Variants in RYR3 observed in about 807,000 individuals in gnomAD.
The protein encoded by RYR3 is ryanodine receptor 3.
A neutral mutation model predicts 584.3 loss-of-function variants in RYR3; 207 were observed. The observed-to-expected ratio is 0.35, with a 90% CI of 0.32 to 0.40. The LOEUF is 0.40. Among genes scored for constraint, RYR3 ranks in the 10% least tolerant of loss-of-function variants. The probability of loss-of-function intolerance (pLI) is 1.00; values close to 1 mark genes in which losing one functional copy is unlikely to be tolerated. For synonymous variants in RYR3, 2,416 were observed against 2,248.5 expected (o/e 1.07, Z -2.11); for missense variants, 5,616 against 6,089.2 (o/e 0.92, Z 2.59).
chr15:33,677,287 A>G (rs759381850), intron 38 of RYR3, among the ~76,000 whole-genome samples: 1 of 152,128 alleles, frequency 6.6e-6, no homozygotes, highest in African/African-American at 2.4e-5. Context: ...GGCTTGCCTC[A>G]TAATCACTTA....
Position 33,563,075 on chromosome 15 carries a change from G to A in RYR3, c.1146+65G>A, listed in dbSNP as rs1033587324. ...AGTTGGAAGCAACTAGGCAATAGAA[G>A]TGATTCTGAGAACCAGGTGGACATG... On this transcript the variant is annotated intron_variant, in intron 11 of 103. Transcript: ENST00000634891. The A allele has an allele frequency of 2.4e-5, 31 of 1,292,378 alleles. No homozygotes were observed. In the African/African-American group the frequency reaches 3.9e-4, roughly 16 times the overall value. 80.1% of individuals were successfully genotyped at this position (1,292,378 alleles called of 1,614,324 possible).
At chr15:33,773,162 T>G (rs1331892936) in intron 63 of RYR3, among the ~76,000 whole-genome samples, 2 of 152,232 alleles carry the variant, frequency 1.3e-5, no homozygotes, top group African/African-American at 4.8e-5. Flanking sequence ...TCTGCATTCA[T>G]CCTTCCAAAG....
At position 33,534,911 on chromosome 15, in the gene RYR3, G is replaced by A. The variant is rs921224243; in HGVS notation, c.433+1522G>A. Among the ~76,000 whole-genome samples the A allele has an allele frequency of 2.6e-5, 4 of 152,154 alleles. No individual in the cohort carries two copies. In the East Asian group the frequency reaches 7.7e-4, roughly 29 times the overall value. On this transcript the variant is annotated intron_variant, in intron 5 of 103. Transcript: ENST00000634891. ...CTGCTCCATTTAGAGGTTGGGCTAG[G>A]TACCAAACAGGATTCTTTGTTGCAA...
chr15:33,409,417 C>T (rs1323740804), intron 1 of RYR3, among the ~76,000 whole-genome samples: 1 of 152,032 alleles, frequency 6.6e-6, no homozygotes. Context: ...CTCTCTGCAG[C>T]TCTCTACTCT....
intron 3 of RYR3, among the ~76,000 whole-genome samples, chr15:33,509,549 C>T (rs2052787751): frequency 6.6e-6 from 1 of 152,192 alleles, no homozygotes; most frequent in Non-Finnish European, 1.5e-5. Context: ...TTTAATATTA[C>T]ATTTTTAAAA....
intron 51 of RYR3, among the ~76,000 whole-genome samples, chr15:33,741,295 C>G (rs1195617494): frequency 6.6e-6 from 1 of 152,142 alleles, no homozygotes; most frequent in African/African-American, 2.4e-5. Flanking sequence ...CGCATAGTCA[C>G]CAGGGAAGGA....
intron 7 of RYR3, among the ~76,000 whole-genome samples, chr15:33,542,928 G>A (rs760729098): frequency 6.6e-6 from 1 of 152,048 alleles, no homozygotes; most frequent in Non-Finnish European, 1.5e-5. Flanking sequence ...GAAGACAAAT[G>A]GGTCATCATG....
At position 33,632,997 on chromosome 15, in the gene RYR3, T is replaced by C. The variant is rs2061341522; in HGVS notation, c.2916T>C (p.Asp972=). Residue 972 remains aspartate (D), a synonymous_variant, in exon 24 of 104, where the codon GAT becomes GAC. Coordinates refer to ENST00000634891, the MANE Select transcript of RYR3 (RefSeq NM_001036.6). ...AGCCAGCCCCTTTGGATTTGTCTGATGTGAAGCTGTTACCTCCTCAAGAAA... is the reference window on the plus strand; with the variant it reads ...AGCCAGCCCCTTTGGATTTGTCTGACGTGAAGCTGTTACCTCCTCAAGAAA... ...GYKPAPLDLS[D]VKLLPPQEIL... is the part of the protein sequence containing the mutation. The C allele has an allele frequency of 6.2e-7, 1 of 1,614,018 alleles. No homozygotes were observed. The highest frequency in any genetic ancestry group is 8.5e-7 in the Non-Finnish European group (1 of 1,179,874).
intron 20 of RYR3, among the ~76,000 whole-genome samples, chr15:33,627,521 G>A (rs1368348333): frequency 1.3e-5 from 2 of 152,142 alleles, no homozygotes; most frequent in Non-Finnish European, 2.9e-5. Flanking sequence ...TATATGGTGG[G>A]GAGTATTAAT....
chr15:33,848,549 TG>T (rs767157599), intron 94 of RYR3, 128 bp downstream of exon 94: 4 of 1,070,528 alleles, frequency 3.7e-6, no homozygotes, highest in Non-Finnish European at 5.3e-6. Flanking sequence ...TTTTCTCCCT[TG>T]CCTCTTCAAT....
At chr15:33,692,687 C>G (rs894253368) in intron 38 of RYR3, among the ~76,000 whole-genome samples, 2 of 150,754 alleles carry the variant, frequency 1.3e-5, no homozygotes, top group East Asian at 3.9e-4. Flanking sequence ...TTCTCTGACA[C>G]TTACTTTGAA....
intron 69 of RYR3, among the ~76,000 whole-genome samples, chr15:33,806,809 A>G (rs2076236323): frequency 6.7e-6 from 1 of 149,646 alleles, no homozygotes; most frequent in African/African-American, 2.5e-5. Context: ...TCTGGAGTGC[A>G]CTGGTGTGAT....
At position 33,550,783 on chromosome 15, in the gene RYR3, T is replaced by C. The variant is rs376803588; in HGVS notation, c.972+467T>C. Among the ~76,000 whole-genome samples, 592 of 152,308 alleles carry C rather than the reference T, an allele frequency of 3.9e-3. 5 individuals are homozygous for C. The highest frequency in any genetic ancestry group is 0.014 in the African/African-American group (563 of 41,556). On this transcript the variant is annotated intron_variant, in intron 10 of 103. Coordinates refer to ENST00000634891, the MANE Select transcript of RYR3 (RefSeq NM_001036.6). ...AAAAAGCATGAGTTTCAGTGCTATA[T>C]TTGTTTAAATTTTTTTAATGATGCA...
intron 2 of RYR3, among the ~76,000 whole-genome samples, chr15:33,477,762 C>G (rs1307438261): frequency 5.7e-5 from 8 of 141,184 alleles, no homozygotes; most frequent in Non-Finnish European, 1.2e-4. Flanking sequence ...GTAGTCCCAG[C>G]TACTCGGGAG....
At chr15:33,543,781 T>C (rs2056024825) in intron 8 of RYR3, 66 bp downstream of exon 8, 3 of 1,041,192 alleles carry the variant, frequency 2.9e-6, no homozygotes, top group Non-Finnish European at 4.6e-6. Context: ...CTAAAGAGTT[T>C]ACATTGTATT....
At position 33,844,939 on chromosome 15, in the gene RYR3, A is replaced by G. The variant is rs2078620597; in HGVS notation, c.13374A>G (p.Glu4458=). The change falls in exon 93 of 104, where the codon GAA becomes GAG. Residue 4458 remains glutamate, a synonymous_variant. Coordinates refer to ENST00000634891, the MANE Select transcript of RYR3 (RefSeq NM_001036.6). ...LWNSFNDEEE[E]EAMVFFVLQE... is the part of the protein sequence containing the mutation. ...ATTCCTTTAATGACGAGGAAGAGGA[A>G]GAAGCGATGGTATTCTTTGTCCTTC... The G allele has an allele frequency of 6.2e-7, 1 of 1,614,036 alleles. No homozygotes were observed. Among genetic ancestry groups the G allele is most frequent in the African/African-American group, 1.3e-5 (1 of 75,056 alleles).
intron 3 of RYR3, among the ~76,000 whole-genome samples, chr15:33,507,704 T>C (rs2142828300): frequency 6.6e-6 from 1 of 152,188 alleles, no homozygotes; most frequent in African/African-American, 2.4e-5. Context: ...CAAACAGCAT[T>C]TGTGATGAAA....
At chr15:33,805,665 G>T (rs935397783) in intron 69 of RYR3, among the ~76,000 whole-genome samples, 1 of 151,428 alleles carries the variant, frequency 6.6e-6, no homozygotes, top group African/African-American at 2.4e-5. Flanking sequence ...TTTTAGTAGA[G>T]ACAGGGTTTC....
At chr15:33,566,096 T>G (rs2057700887) in intron 11 of RYR3, among the ~76,000 whole-genome samples, 2 of 152,202 alleles carry the variant, frequency 1.3e-5, no homozygotes, top group South Asian at 4.1e-4. Context: ...ATAGCAGGAC[T>G]AGACAAAGGT....
Sources: gnomAD v4.1 joint callset for allele counts (sites outside exome capture counted in the v4.1 genomes callset) on GRCh38, gnomAD v4.1.1 for gene constraint, MANE v1.5 for transcripts, NCBI Gene and HGNC (gene_info 2026-07-23, HGNC 2026-07-21) for gene names.